Variants in SYT1 observed in about 807,000 individuals in gnomAD.
The protein encoded by SYT1 is synaptotagmin 1.
SYT1 carries 8 observed loss-of-function variants against 44.8 expected under a neutral mutation model. The observed-to-expected ratio is 0.18, with a 90% CI of 0.10 to 0.32. The LOEUF (loss-of-function observed/expected upper bound fraction) is 0.32, where lower values mean the gene tolerates loss of function less well. Among genes scored for constraint, SYT1 ranks in the 10% least tolerant of loss-of-function variants. The pLI is 1.00. For missense variants in SYT1, 286 were observed against 509.3 expected (o/e 0.56, Z 4.22); for synonymous variants, 154 against 188.8 (o/e 0.82, Z 1.51).
chr12:78,865,107 C>T lies in SYT1; in HGVS notation c.-219C>T. On this transcript the variant is annotated splice_region_variant and 5_prime_UTR_variant, in exon 1 of 11. Transcript: ENST00000261205. ...CGGCACCACCTCCCGGTCCGCCCTC[C>T]AGGTAAGGAAGCGGGACTGGCGGCG... is the stretch of plus-strand genomic sequence containing the variant. 1 of 152,292 alleles carries T rather than the reference C, an allele frequency of 6.6e-6. No individual in the cohort carries two copies. The highest frequency in any genetic ancestry group is 1.9e-4 in the East Asian group (1 of 5,160). The allele number at this position is 152,292 out of a possible 1,614,324, so 9.4% of individuals were successfully genotyped here. A position where few individuals can be genotyped will look rare whatever the true frequency, so the allele number is the denominator to read the frequency against.
chr12:79,205,299 C>T (rs965494566), intron 3 of SYT1, among the ~76,000 whole-genome samples: 11 of 152,038 alleles, frequency 7.2e-5, no homozygotes, highest in African/African-American at 2.7e-4. Flanking sequence ...GTAAAATACA[C>T]CTGAAGTTTT....
intron 1 of SYT1, among the ~76,000 whole-genome samples, chr12:78,966,272 T>G (rs1211336018): frequency 6.6e-6 from 1 of 152,128 alleles, no homozygotes; most frequent in Non-Finnish European, 1.5e-5. Context: ...TTGTATTATT[T>G]ATTTATTGTA....
chr12:79,446,005 A>ATG (rs1460384347), intron 10 of SYT1, among the ~76,000 whole-genome samples: 1 of 119,914 alleles, frequency 8.3e-6, no homozygotes, highest in Non-Finnish European at 1.8e-5. Context: ...ATATATATAT[A>ATG]TATATATATA....
chr12:78,991,819 T>G (rs1354527005), intron 2 of SYT1, among the ~76,000 whole-genome samples: 1 of 152,218 alleles, frequency 6.6e-6, no homozygotes, highest in Non-Finnish European at 1.5e-5. Context: ...TTTACAGAAA[T>G]GTACTCTTTT....
At chr12:79,309,043 C>A (rs1880627805) in intron 8 of SYT1, among the ~76,000 whole-genome samples, 1 of 152,194 alleles carries the variant, frequency 6.6e-6, no homozygotes, top group Non-Finnish European at 1.5e-5. Context: ...GCCGGTGAAA[C>A]AAGTACAGGC....
chr12:79,209,123 A>G (rs1874294781), intron 3 of SYT1, among the ~76,000 whole-genome samples: 1 of 152,168 alleles, frequency 6.6e-6, no homozygotes, highest in Non-Finnish European at 1.5e-5. Flanking sequence ...TCTCATCCAT[A>G]GTGACAGGGC....
At chr12:79,438,099 C>A (rs943842608) in intron 9 of SYT1, among the ~76,000 whole-genome samples, 1 of 152,128 alleles carries the variant, frequency 6.6e-6, no homozygotes, top group African/African-American at 2.4e-5. Flanking sequence ...ATCCTACTTC[C>A]TTATTTCTAT....
chr12:78,944,126 C>A (rs1258275671), intron 1 of SYT1, among the ~76,000 whole-genome samples: 1 of 151,590 alleles, frequency 6.6e-6, no homozygotes, highest in East Asian at 1.9e-4. Context: ...TTTTAAAAAT[C>A]TCTGGGAAGG....
At chr12:79,005,251 T>C (rs975569149) in intron 2 of SYT1, among the ~76,000 whole-genome samples, 3 of 152,042 alleles carry the variant, frequency 2.0e-5, no homozygotes, top group Non-Finnish European at 4.4e-5. Flanking sequence ...TGAACCTATT[T>C]ATTAGTAATG....
chr12:78,944,736 A>G (rs564957496), intron 1 of SYT1, among the ~76,000 whole-genome samples: 6 of 152,286 alleles, frequency 3.9e-5, no homozygotes, highest in African/African-American at 9.6e-5. Context: ...TATTTGTGAC[A>G]GCATTTAATT....
intron 1 of SYT1, among the ~76,000 whole-genome samples, chr12:78,949,167 G>C (rs1439839580): frequency 6.6e-6 from 1 of 151,328 alleles, no homozygotes; most frequent in Non-Finnish European, 1.5e-5. Context: ...GCTAATATGA[G>C]AACACATATT....
chr12:78,989,956 G>A (rs1869907712), intron 2 of SYT1, among the ~76,000 whole-genome samples: 1 of 152,084 alleles, frequency 6.6e-6, no homozygotes, highest in Non-Finnish European at 1.5e-5. Context: ...GCTACTGGAA[G>A]AAACAGATTA....
chr12:78,990,503 A>G (rs1869944789), intron 2 of SYT1, among the ~76,000 whole-genome samples: 1 of 152,192 alleles, frequency 6.6e-6, no homozygotes, highest in Admixed American at 6.6e-5. Context: ...TATAGAAAAG[A>G]CAATGCGAGT....
At chr12:78,902,347 A>C (rs912333378) in intron 1 of SYT1, among the ~76,000 whole-genome samples, 3 of 152,084 alleles carry the variant, frequency 2.0e-5, no homozygotes, top group African/African-American at 7.2e-5. Flanking sequence ...AATCCAATTG[A>C]AAGCAAGCTC....
At chr12:79,404,203 G>A (rs953717067) in intron 9 of SYT1, among the ~76,000 whole-genome samples, 2 of 152,114 alleles carry the variant, frequency 1.3e-5, no homozygotes, top group South Asian at 2.1e-4. Flanking sequence ...ATTGCTGTCT[G>A]TCTGGTTGGA....
intron 3 of SYT1, among the ~76,000 whole-genome samples, chr12:79,047,810 G>A (rs1874183523): frequency 6.6e-6 from 1 of 150,998 alleles, no homozygotes; most frequent in African/African-American, 2.4e-5. Flanking sequence ...GCTATCTGCA[G>A]GCTTAAAATC....
At chr12:78,986,205 G>A (rs1869631234) in intron 2 of SYT1, among the ~76,000 whole-genome samples, 1 of 151,972 alleles carries the variant, frequency 6.6e-6, no homozygotes, top group Non-Finnish European at 1.5e-5. Context: ...TGTGCATAAA[G>A]CTGACCTTAT....
intron 4 of SYT1, among the ~76,000 whole-genome samples, chr12:79,254,647 A>G (rs970435583): frequency 1.3e-5 from 2 of 152,230 alleles, no homozygotes; most frequent in Non-Finnish European, 2.9e-5. Context: ...AGGAAAGTAA[A>G]CTGAAAATCT....
intron 4 of SYT1, among the ~76,000 whole-genome samples, chr12:79,249,910 T>C (rs917881361): frequency 6.6e-6 from 1 of 151,856 alleles, no homozygotes; most frequent in Admixed American, 6.6e-5. Context: ...ATAAGGCAAA[T>C]TAAGAAAGCT....
Sources: gnomAD v4.1 joint callset for allele counts (sites outside exome capture counted in the v4.1 genomes callset) on GRCh38, gnomAD v4.1.1 for gene constraint, MANE v1.5 for transcripts, NCBI Gene and HGNC (gene_info 2026-07-23, HGNC 2026-07-21) for gene names.